Variants in PDE11A observed in about 807,000 individuals in gnomAD.
PDE11A encodes dual 3',5'-cyclic-AMP and -GMP phosphodiesterase 11A.
A neutral mutation model predicts 100.5 loss-of-function variants in PDE11A; 100 were observed. That is an observed-to-expected ratio of 1.00 (90% confidence interval 0.85 to 1.18). PDE11A has a LOEUF of 1.18. Among genes scored for constraint, PDE11A ranks in the 50% most tolerant of loss-of-function variants. The probability of loss-of-function intolerance (pLI) is 0.00; values close to 1 mark genes in which losing one functional copy is unlikely to be tolerated. For synonymous variants in PDE11A, 381 were observed against 420.8 expected (o/e 0.91, Z 1.16); for missense variants, 1,141 against 1,152.6 (o/e 0.99, Z 0.15).
At chr2:177,775,718 A>G (rs1046766920) in intron 9 of PDE11A, among the ~76,000 whole-genome samples, 3 of 152,136 alleles carry the variant, frequency 2.0e-5, no homozygotes, top group Non-Finnish European at 4.4e-5. Flanking sequence ...TCATCACCTC[A>G]TTGGTATCAT....
intron 2 of PDE11A, among the ~76,000 whole-genome samples, chr2:177,920,253 T>C (rs10180071): frequency 6.6e-6 from 1 of 151,516 alleles, no homozygotes; most frequent in South Asian, 2.1e-4. Flanking sequence ...ATATGTAAAA[T>C]AAATTAAAAA....
intron 19 of PDE11A, among the ~76,000 whole-genome samples, chr2:177,639,480 A>G (rs1030816629): frequency 5.9e-5 from 9 of 152,328 alleles, no homozygotes; most frequent in Admixed American, 1.3e-4. Flanking sequence ...CCCATAGAAC[A>G]GTGGCAGGAA....
chr2:177,843,355 C>T (rs2083521730), intron 5 of PDE11A, among the ~76,000 whole-genome samples: 1 of 152,084 alleles, frequency 6.6e-6, no homozygotes, highest in African/African-American at 2.4e-5. Flanking sequence ...GGGTTGTCAC[C>T]TAAGAACAAA....
At chr2:177,763,550 T>C (rs950849871) in intron 10 of PDE11A, among the ~76,000 whole-genome samples, 1 of 152,184 alleles carries the variant, frequency 6.6e-6, no homozygotes, top group African/African-American at 2.4e-5. Context: ...GAGGAGCCTC[T>C]ATGGGTCATC....
rs2084197263 is a variant in PDE11A at position 177,874,419 on chromosome 2, CT to C, written c.1367+1439del. Among the ~76,000 whole-genome samples, 3 of 152,200 alleles carry C rather than the reference CT, an allele frequency of 2.0e-5. No homozygotes were observed. In the South Asian group the frequency reaches 6.2e-4, roughly 32 times the overall value. On this transcript the variant is annotated intron_variant, in intron 5 of 19. Coordinates refer to ENST00000286063, the MANE Select transcript of PDE11A (RefSeq NM_016953.4). The stretch of plus-strand genomic sequence containing the variant: ...CATCATCATCATACTGCCCTGAGTG[CT>C]TTACGATTCTTTCTCCATGTCTGCA...
intron 19 of PDE11A, among the ~76,000 whole-genome samples, chr2:177,659,035 G>A (rs2080433659): frequency 6.6e-6 from 1 of 152,004 alleles, no homozygotes; most frequent in Admixed American, 6.6e-5. Flanking sequence ...GAGGCCTGTG[G>A]ATCACTTGAG....
intron 2 of PDE11A, among the ~76,000 whole-genome samples, chr2:178,079,522 C>T (rs567900181): frequency 5.0e-4 from 76 of 152,212 alleles, no homozygotes; most frequent in Non-Finnish European, 8.8e-4. Flanking sequence ...ATCAAATTTT[C>T]TTTATCCAGT....
At position 177,726,084 on chromosome 2, in the gene PDE11A, A is replaced by ATT. The variant is rs56661172; in HGVS notation, c.2043+1572_2043+1573dup. ...TAGGATATGGAAAAACAAAATGAAG[A>ATT]TTTTTTTTTTCCAAGCAATGGTTGT... is the stretch of plus-strand genomic sequence containing the variant. On this transcript the variant is annotated intron_variant, in intron 12 of 19. Coordinates refer to ENST00000286063, the MANE Select transcript of PDE11A (RefSeq NM_016953.4). 3.7e-3 allele frequency among the ~76,000 whole-genome samples: 553 copies of ATT among 151,154 alleles called. 1 individual carries two copies. The highest frequency in any genetic ancestry group is 5.7e-3 in the Non-Finnish European group (386 of 67,686).
intron 9 of PDE11A, among the ~76,000 whole-genome samples, chr2:177,814,611 C>T (rs915194209): frequency 6.6e-6 from 1 of 152,164 alleles, no homozygotes; most frequent in Non-Finnish European, 1.5e-5. Flanking sequence ...AAGTCAATGC[C>T]TATAAGTCAA....
At chr2:177,803,027 T>G (rs2082815828) in intron 9 of PDE11A, among the ~76,000 whole-genome samples, 1 of 151,056 alleles carries the variant, frequency 6.6e-6, no homozygotes, top group African/African-American at 2.5e-5. Flanking sequence ...TAAAAGATAC[T>G]CATTCATTTT....
At chr2:177,652,560 C>G (rs2080326338) in intron 19 of PDE11A, among the ~76,000 whole-genome samples, 1 of 152,088 alleles carries the variant, frequency 6.6e-6, no homozygotes, top group Non-Finnish European at 1.5e-5. Flanking sequence ...GTGAGCCATG[C>G]AATCAGCTGT....
At chr2:177,850,271 A>G (rs980481731) in intron 5 of PDE11A, among the ~76,000 whole-genome samples, 2 of 152,230 alleles carry the variant, frequency 1.3e-5, no homozygotes, top group African/African-American at 4.8e-5. Context: ...CCTGAGAAAA[A>G]CAAGAAATGG....
At chr2:177,688,926 A>AT (rs1559143899) in intron 15 of PDE11A, among the ~76,000 whole-genome samples, 1 of 152,158 alleles carries the variant, frequency 6.6e-6, no homozygotes, top group African/African-American at 2.4e-5. Flanking sequence ...TAATCATGAA[A>AT]TTTTTTGCAA....
chr2:177,895,594 A>G (rs1050420568), intron 4 of PDE11A, among the ~76,000 whole-genome samples: 1 of 152,170 alleles, frequency 6.6e-6, no homozygotes, highest in African/African-American at 2.4e-5. Flanking sequence ...AAAGAATAAC[A>G]TTTTGTAATT....
chr2:177,732,678 G>A (rs974881318), intron 10 of PDE11A, among the ~76,000 whole-genome samples: 2 of 152,130 alleles, frequency 1.3e-5, no homozygotes, highest in Non-Finnish European at 2.9e-5. Flanking sequence ...AGTGTTAATG[G>A]AAAGGAAATA....
Position 177,701,187 on chromosome 2 carries a change from G to A in PDE11A, c.2178C>T (p.Leu726=). 1 of 1,601,938 alleles carries A rather than the reference G, an allele frequency of 6.2e-7. No individual in the cohort carries two copies. Among genetic ancestry groups the A allele is most frequent in the Non-Finnish European group, 8.6e-7 (1 of 1,169,026 alleles). The part of the protein sequence containing the change: ...QAKSGSALAQ[L]YGTSATLEHH... ...GCTCCAAGGTAGCAGAGGTTCCATA[G>A]AGTTGGGCCAGGGCAGAGCCACTCC... Residue 726 remains leucine (L), a synonymous_variant, in exon 14 of 20, where the codon CTC becomes CTT. Coordinates refer to ENST00000286063, the MANE Select transcript of PDE11A (RefSeq NM_016953.4).
At chr2:178,037,458 T>C (rs956094768) in intron 1 of PDE11A, among the ~76,000 whole-genome samples, 1 of 152,198 alleles carries the variant, frequency 6.6e-6, no homozygotes, top group African/African-American at 2.4e-5. Flanking sequence ...TGGAAGATAA[T>C]GTGGTGATTC....
At chr2:178,017,198 T>A (rs71423543) in intron 1 of PDE11A, among the ~76,000 whole-genome samples, 15,220 of 152,292 alleles carry the variant, frequency 0.1, 1,047 homozygotes, top group Non-Finnish European at 0.15. Context: ...AGGCGCCACA[T>A]ACCACTCTTT....
intron 9 of PDE11A, among the ~76,000 whole-genome samples, chr2:177,800,153 A>G (rs940539711): frequency 3.3e-5 from 5 of 150,358 alleles, no homozygotes; most frequent in African/African-American, 1.2e-4. Flanking sequence ...CCTTAAGAAT[A>G]ATCCTAACAG....
Sources: allele counts gnomAD v4.1 joint callset (sites outside exome capture counted in the v4.1 genomes callset), GRCh38; gene constraint gnomAD v4.1.1; transcripts MANE v1.5; gene names NCBI Gene and HGNC (gene_info 2026-07-23, HGNC 2026-07-21).